SCIN: variants seen among roughly 807,000 people sequenced by gnomAD.
SCIN encodes the protein scinderin.
In SCIN, 91 loss-of-function variants were observed where a neutral mutation model predicts 91.8. That is an observed-to-expected ratio of 0.99 (90% CI 0.84 to 1.18). SCIN has a LOEUF of 1.18. Ranked by LOEUF, SCIN falls within the 50% of genes most tolerant of loss-of-function variation. The pLI is 0.00. For missense variants in SCIN, 1,087 were observed against 863.9 expected (o/e 1.26, Z -3.24); for synonymous variants, 367 against 312.6 (o/e 1.17, Z -1.84).
Position 12,649,507 on chromosome 7 carries a change from C to G in SCIN, c.1922C>G (p.Ala641Gly), listed in dbSNP as rs747548174. ...GGAGAGTTCACCCAGGATGATTTAG[C>G]TGAAGATGATGTCATGTTACTAGAT... ...IPGEFTQDDL[A>G]EDDVMLLDAW... The change falls in exon 14 of 16, where the codon GCT (alanine) becomes GGT (glycine). Residue 641 changes from alanine to glycine, a missense_variant. By Grantham distance (60) the Ala-to-Gly change is moderately conservative. Coordinates refer to ENST00000297029, the MANE Select transcript of SCIN (RefSeq NM_001112706.3). The G allele has an allele frequency of 7.5e-6, 12 of 1,603,088 alleles. No individual in the cohort carries two copies. The highest frequency in any genetic ancestry group is 1.0e-5 in the Non-Finnish European group (12 of 1,174,344).
At chr7:12,645,256 T>A (rs1286190492) in intron 13 of SCIN, among the ~76,000 whole-genome samples, 2 of 151,830 alleles carry the variant, frequency 1.3e-5, no homozygotes, top group Non-Finnish European at 2.9e-5. Flanking sequence ...GAGGCGGAGG[T>A]TGCAGTGAGC....
chr7:12,586,967 T>G (rs938090768), intron 3 of SCIN, among the ~76,000 whole-genome samples: 1 of 152,150 alleles, frequency 6.6e-6, no homozygotes, highest in Non-Finnish European at 1.5e-5. Context: ...AATTAACAGA[T>G]ACAAAATTAC....
At chr7:12,635,496 C>A (rs938852948) in intron 9 of SCIN, among the ~76,000 whole-genome samples, 2 of 150,234 alleles carry the variant, frequency 1.3e-5, no homozygotes, top group Admixed American at 1.3e-4. Flanking sequence ...CCTGTAATCC[C>A]AGGTACTTGG....
rs776825064 is a variant in SCIN at position 12,625,115 on chromosome 7, G to A, written c.865G>A (p.Ala289Thr). The A allele has an allele frequency of 5.4e-5, 87 of 1,607,776 alleles. 1 individual carries two copies. The highest frequency in any genetic ancestry group is 3.3e-4 in the South Asian group (29 of 89,226). The part of the protein sequence containing the change: ...SEECFILDHG[A>T]AKQIFVWKGK... ...AGAATGCTTTATTTTGGACCACGGG[G>A]CTGCCAAACAAATTTTCGTATGGAA... Residue 289 changes from alanine (A) to threonine (T), a missense_variant, in exon 6 of 16, where the codon GCT (alanine) becomes ACT (threonine). Ala to Thr is a moderately conservative substitution (Grantham distance 58). Coordinates refer to ENST00000297029, the MANE Select transcript of SCIN (RefSeq NM_001112706.3).
At chr7:12,641,716 C>G (rs376492050) in intron 11 of SCIN, among the ~76,000 whole-genome samples, 1 of 152,094 alleles carries the variant, frequency 6.6e-6, no homozygotes, top group Admixed American at 6.6e-5. Flanking sequence ...TCCTTTGGCT[C>G]CTTTACTCCA....
chr7:12,571,298 A>G (rs532703248), intron 1 of SCIN: 4 of 413,440 alleles, frequency 9.7e-6, no homozygotes, highest in South Asian at 8.5e-5. Flanking sequence ...TCCAAACGCC[A>G]CTCTTGTCCA....
chr7:12,581,753 T>G (rs1782492304), intron 3 of SCIN, among the ~76,000 whole-genome samples: 1 of 152,258 alleles, frequency 6.6e-6, no homozygotes, highest in Non-Finnish European at 1.5e-5. Flanking sequence ...ATATTATATC[T>G]GACTTATGTT....
At chr7:12,621,231 T>A (rs533200513) in intron 4 of SCIN, among the ~76,000 whole-genome samples, 5 of 152,266 alleles carry the variant, frequency 3.3e-5, no homozygotes, top group African/African-American at 1.2e-4. Context: ...ATTTGATAAA[T>A]GCTTAGTTGA....
chr7:12,607,165 G>A (rs1301170477), intron 4 of SCIN, among the ~76,000 whole-genome samples: 4 of 152,180 alleles, frequency 2.6e-5, no homozygotes, highest in Non-Finnish European at 5.9e-5. Context: ...CCCAAAGCAA[G>A]TCTCCTGACT....
At chr7:12,580,596 C>A (rs1325060356) in intron 2 of SCIN, among the ~76,000 whole-genome samples, 1 of 152,162 alleles carries the variant, frequency 6.6e-6, no homozygotes, top group African/African-American at 2.4e-5. Context: ...CATCTCTGTC[C>A]CAACCCTGTA....
chr7:12,601,803 A>T (rs369381595), intron 3 of SCIN, among the ~76,000 whole-genome samples: 5 of 152,314 alleles, frequency 3.3e-5, no homozygotes, highest in East Asian at 3.9e-4. Context: ...CTTAAATGTA[A>T]TTATATTATT....
rs577935583 is a variant in SCIN, at chr7:12,594,306, C to T, written c.517-10208C>T. Among the ~76,000 whole-genome samples the T allele has an allele frequency of 3.5e-4, 53 of 151,974 alleles. 2 individuals carry two copies. The South Asian group carries it at 0.01, about 30-fold the overall frequency. ...ACGGGGTCAAAGGAAGAGGAGTCAT[C>T]GGCTGGGTCTGTGGGTGGGGTGACG... On this transcript the variant is annotated intron_variant, in intron 3 of 15. Transcript: ENST00000297029.
intron 3 of SCIN, among the ~76,000 whole-genome samples, chr7:12,592,940 C>T (rs1782757452): frequency 6.6e-6 from 1 of 152,120 alleles, no homozygotes; most frequent in Non-Finnish European, 1.5e-5. Context: ...GGAGCCGGGG[C>T]CCAGGGGCCC....
intron 14 of SCIN, among the ~76,000 whole-genome samples, chr7:12,649,934 G>A (rs1039917646): frequency 2.0e-5 from 3 of 152,126 alleles, no homozygotes; most frequent in African/African-American, 7.2e-5. Context: ...TTGACAAGAA[G>A]TCATGGGTAG....
chr7:12,619,843 C>G (rs1219153703), intron 4 of SCIN, among the ~76,000 whole-genome samples: 1 of 152,034 alleles, frequency 6.6e-6, no homozygotes, highest in Non-Finnish European at 1.5e-5. Context: ...TGGGCCTCAC[C>G]ATAGACCTGT....
In SCIN at chr7:12,581,050, C is replaced by G. The variant is rs1282126670; in HGVS notation, c.355-10C>G. On this transcript the variant is annotated splice_polypyrimidine_tract_variant and intron_variant, in intron 2 of 15. Transcript: ENST00000297029. ...TGTTTTTTGTGTGTCTGTCTTCCCTCATTCATCAGGCTGGAGGCGTGGCAT... is the reference window on the plus strand; with the variant it reads ...TGTTTTTTGTGTGTCTGTCTTCCCTGATTCATCAGGCTGGAGGCGTGGCAT... 1.9e-6 allele frequency: 3 copies of G among 1,549,696 alleles called. 1 individual carries two copies. Among genetic ancestry groups the G allele is most frequent in the Admixed American group, 2.0e-5 (1 of 50,800 alleles).
chr7:12,632,103 T>C (rs1562626763), intron 9 of SCIN, among the ~76,000 whole-genome samples: 1 of 126,458 alleles, frequency 7.9e-6, no homozygotes. Context: ...TATTTTATTT[T>C]ATTTTATTTT....
At chr7:12,571,851 A>G (rs1230285944) in intron 1 of SCIN, among the ~76,000 whole-genome samples, 2 of 152,018 alleles carry the variant, frequency 1.3e-5, no homozygotes, top group East Asian at 1.9e-4. Flanking sequence ...TTCTACTTTT[A>G]CTCATAAACA....
chr7:12,599,371 G>T (rs541919961), intron 3 of SCIN, among the ~76,000 whole-genome samples: 2 of 23,818 alleles, frequency 8.4e-5, no homozygotes, highest in African/African-American at 2.9e-4. Flanking sequence ...TTCATGGTGA[G>T]TGTGTGTGTG....
Sources: allele counts gnomAD v4.1 joint callset (sites outside exome capture counted in the v4.1 genomes callset), GRCh38; gene constraint gnomAD v4.1.1; transcripts MANE v1.5; gene names NCBI Gene and HGNC (gene_info 2026-07-23, HGNC 2026-07-21).